Variants in SLC41A3 observed in about 807,000 individuals in gnomAD.
The protein encoded by SLC41A3 is solute carrier family 41 member 3, also known as SLC41A1-like 2.
A neutral mutation model predicts 45.4 loss-of-function variants in SLC41A3; 44 were observed. The observed-to-expected ratio is 0.97, with a 90% CI of 0.76 to 1.25. The LOEUF is 1.25. Among genes scored for constraint, SLC41A3 ranks in the 50% most tolerant of loss-of-function variants. The pLI is 0.00. For synonymous variants in SLC41A3, 256 were observed against 252.4 expected, an observed-to-expected ratio of 1.01 and a Z score of -0.13; for missense variants, 550 against 600.6, an observed-to-expected ratio of 0.92 and a Z score of 0.88.
At position 126,060,495 on chromosome 3, in the gene SLC41A3, T is replaced by C. The variant is rs187296646; in HGVS notation, c.273+7452A>G. Among the ~76,000 whole-genome samples the C allele has an allele frequency of 2.5e-3, 358 of 140,754 alleles. 1 individual carries two copies. The highest frequency in any genetic ancestry group is 8.9e-3 in the African/African-American group (336 of 37,702). 92.3% of individuals were successfully genotyped at this position (140,754 alleles called of 152,430 possible). ...ACAGTGAAACGTTCAGAAGGATATA[T>C]ACCAAAATGTTAACAGTAGTTGCCT... is the stretch of plus-strand genomic sequence containing the variant. On this transcript the variant is annotated intron_variant, in intron 2 of 10. Transcript: ENST00000360370.
intron 4 of SLC41A3, among the ~76,000 whole-genome samples, chr3:126,033,373 G>C (rs1267276845): frequency 6.7e-6 from 1 of 148,424 alleles, no homozygotes; most frequent in Non-Finnish European, 1.5e-5. Context: ...AGTGGGGCTT[G>C]GAAAGGAGGG....
chr3:126,027,725 T>C (rs1362690436), intron 4 of SLC41A3, among the ~76,000 whole-genome samples: 1 of 152,174 alleles, frequency 6.6e-6, no homozygotes, highest in African/African-American at 2.4e-5. Flanking sequence ...ACTTGTTAAA[T>C]GTTTGTGACC....
At chr3:126,063,629 A>T (rs1944185167) in intron 2 of SLC41A3, among the ~76,000 whole-genome samples, 1 of 152,164 alleles carries the variant, frequency 6.6e-6, no homozygotes, top group African/African-American at 2.4e-5. Context: ...CCTCACTGAC[A>T]CACAAAACAT....
chr3:126,068,920 T>C (rs1195731676), intron 1 of SLC41A3, among the ~76,000 whole-genome samples: 2 of 152,088 alleles, frequency 1.3e-5, no homozygotes, highest in Non-Finnish European at 2.9e-5. Flanking sequence ...CCTTTTGCCC[T>C]GGGAGAAGTT....
intron 1 of SLC41A3, among the ~76,000 whole-genome samples, chr3:126,076,734 C>T (rs912438372): frequency 6.6e-6 from 1 of 152,306 alleles, no homozygotes. Context: ...GATGACCATT[C>T]CTCGATCTGT....
Position 126,026,646 on chromosome 3 carries a change from AC to A in SLC41A3, c.454-168del, listed in dbSNP as rs1365690883. On this transcript the variant is annotated intron_variant, in intron 4 of 10. Coordinates refer to ENST00000360370, the MANE Select transcript of SLC41A3 (RefSeq NM_017836.4). This position sits in a 1 kb window ranked among gnomAD's most constrained non-coding sequence, Gnocchi z 4.2. The stretch of plus-strand genomic sequence containing the variant: ...TCACCCCAGGAAAAACTAATACCAC[AC>A]CCCACACCTGCCTTGAACTCAACTC... Among the ~76,000 whole-genome samples, 2 of 151,310 alleles carry A rather than the reference AC, an allele frequency of 1.3e-5. No individual in the cohort carries two copies. Among genetic ancestry groups the A allele is most frequent in the Non-Finnish European group, 2.9e-5 (2 of 67,830 alleles).
intron 1 of SLC41A3, among the ~76,000 whole-genome samples, chr3:126,091,261 A>G (rs1446910956): frequency 1.3e-5 from 2 of 152,210 alleles, no homozygotes; most frequent in Admixed American, 1.3e-4. Context: ...TATTTTGCCA[A>G]GGTTAAAGAC....
At chr3:126,035,541 G>T (rs1419379524) in intron 3 of SLC41A3, among the ~76,000 whole-genome samples, 1 of 152,214 alleles carries the variant, frequency 6.6e-6, no homozygotes, top group Non-Finnish European at 1.5e-5. Context: ...GAGAAAGAGC[G>T]AAATCAACGC....
chr3:126,081,720 A>G (rs1945162737), intron 1 of SLC41A3, among the ~76,000 whole-genome samples: 1 of 152,214 alleles, frequency 6.6e-6, no homozygotes, highest in Admixed American at 6.5e-5. Context: ...AAGGGCCTGG[A>G]ACACAGCCAC....
intron 10 of SLC41A3, among the ~76,000 whole-genome samples, chr3:126,008,436 G>A (rs1263393654): frequency 6.6e-6 from 1 of 151,570 alleles, no homozygotes; most frequent in Non-Finnish European, 1.5e-5. Context: ...AGTGTGTGGT[G>A]TGAAGTGTGT....
rs1157925782 is a variant in SLC41A3 at position 126,026,934 on chromosome 3, C to T, written c.454-455G>A. ...CACACTTTTGGTCTCTCCTTTGGCA[C>T]CCTGCTCACACCCTCCCCTTCCAGG... On this transcript the variant is annotated intron_variant, in intron 4 of 10. Coordinates refer to ENST00000360370, the MANE Select transcript of SLC41A3 (RefSeq NM_017836.4). The surrounding 1 kb of genome is among the most constrained non-coding windows in gnomAD (Gnocchi z 4.2). 2.0e-5 allele frequency among the ~76,000 whole-genome samples: 3 copies of T among 152,188 alleles called. No individual in the cohort carries two copies. The highest frequency in any genetic ancestry group is 4.4e-5 in the Non-Finnish European group (3 of 68,030).
intron 3 of SLC41A3, among the ~76,000 whole-genome samples, chr3:126,036,833 C>G (rs1361815585): frequency 6.6e-6 from 1 of 152,164 alleles, no homozygotes; most frequent in Non-Finnish European, 1.5e-5. Flanking sequence ...TTTTGCTATC[C>G]TTCTCCTTTC....
intron 3 of SLC41A3, among the ~76,000 whole-genome samples, chr3:126,047,656 C>CA (rs917561299): frequency 9.9e-5 from 15 of 151,868 alleles, no homozygotes; most frequent in Admixed American, 4.6e-4. Flanking sequence ...GGAGAGTCTT[C>CA]AAAAAAATGG....
intron 8 of SLC41A3, among the ~76,000 whole-genome samples, chr3:126,013,638 C>G (rs1875683): frequency 0.17 from 26,349 of 151,732 alleles, 2,427 homozygotes; most frequent in Middle Eastern, 0.26. Context: ...AGCAAGCATG[C>G]GGCAGGAGAC....
At chr3:126,054,213 A>G (rs1576318547) in intron 2 of SLC41A3, among the ~76,000 whole-genome samples, 1 of 152,190 alleles carries the variant, frequency 6.6e-6, no homozygotes, top group African/African-American at 2.4e-5. Flanking sequence ...CCCCAAAGAC[A>G]CACAGGCATA....
At position 126,026,479 on chromosome 3, in the gene SLC41A3, C is replaced by A. The variant is rs1156993598; in HGVS notation, c.454G>T (p.Val152Leu). 1 of 1,600,532 alleles carries A rather than the reference C, an allele frequency of 6.2e-7. No individual in the cohort carries two copies. The highest frequency in any genetic ancestry group is 8.5e-7 in the Non-Finnish European group (1 of 1,173,070). ...VISSNLALIQVQATVVGLLAA... is the reference protein window; with the variant it reads ...VISSNLALIQLQATVVGLLAA... ...AAGAGCCCCACGACAGTGGCCTGCA[C>A]CTGTTGGACAGAAATCAGAAGCATG... The change falls in exon 5 of 11, where the codon GTG becomes TTG. Residue 152 changes from valine to leucine, a missense_variant and splice_region_variant. Coordinates refer to ENST00000360370, the MANE Select transcript of SLC41A3 (RefSeq NM_017836.4). The surrounding 1 kb of genome is among the most constrained non-coding windows in gnomAD (Gnocchi z 4.2).
intron 2 of SLC41A3, among the ~76,000 whole-genome samples, chr3:126,059,850 T>C (rs1233699136): frequency 6.6e-6 from 1 of 152,214 alleles, no homozygotes; most frequent in African/African-American, 2.4e-5. Flanking sequence ...CAAGGCCTGT[T>C]GTGGGATGCA....
intron 2 of SLC41A3, among the ~76,000 whole-genome samples, chr3:126,067,010 G>A (rs1944377230): frequency 6.8e-6 from 1 of 146,322 alleles, no homozygotes; most frequent in Admixed American, 7.1e-5. Context: ...CCCTTAGCTG[G>A]ATTGACAGGC....
At chr3:126,014,062 G>A (rs1351735679) in intron 8 of SLC41A3, among the ~76,000 whole-genome samples, 1 of 152,136 alleles carries the variant, frequency 6.6e-6, no homozygotes, top group East Asian at 1.9e-4. Flanking sequence ...GGCAGATGCG[G>A]GGGCGGGCTG....
Sources: gnomAD v4.1 joint callset for allele counts (sites outside exome capture counted in the v4.1 genomes callset) on GRCh38, gnomAD v4.1.1 for gene constraint, Gnocchi (gnomAD v3.1) non-coding constraint, MANE v1.5 for transcripts, NCBI Gene and HGNC (gene_info 2026-07-23, HGNC 2026-07-21) for gene names.